VTI1A: variants seen among roughly 807,000 people sequenced by gnomAD.
VTI1A encodes vesicle transport through interaction with t-SNAREs 1A.
VTI1A carries 22 observed loss-of-function variants against 34.9 expected under a neutral mutation model. The ratio of observed to expected loss-of-function variants is 0.63; its 90% CI spans 0.45 to 0.90. The LOEUF (loss-of-function observed/expected upper bound fraction) is 0.90. VTI1A is among the 40% of genes least tolerant of loss of function. The probability of loss-of-function intolerance (pLI) is 0.00; values close to 1 mark genes in which losing one functional copy is unlikely to be tolerated. For missense variants in VTI1A, 268 were observed against 275.6 expected, an observed-to-expected ratio of 0.97 and a Z score of 0.20; for synonymous variants, 87 against 97.3, an observed-to-expected ratio of 0.89 and a Z score of 0.62.
chr10:112,628,707 G>A (rs545823072), intron 5 of VTI1A, among the ~76,000 whole-genome samples: 12 of 151,582 alleles, frequency 7.9e-5, no homozygotes, highest in South Asian at 2.1e-4. Context: ...GCTGCTTTAC[G>A]GTTTTCTTTA....
intron 1 of VTI1A, 51 bp from the exon 2 acceptor site, chr10:112,460,473 T>C: frequency 6.6e-7 from 1 of 1,520,226 alleles, no homozygotes; most frequent in South Asian, 1.2e-5. Context: ...TTTTAAAATA[T>C]TAAATTTATT....
At chr10:112,736,518 G>A (rs979688096) in intron 7 of VTI1A, among the ~76,000 whole-genome samples, 5 of 152,126 alleles carry the variant, frequency 3.3e-5, no homozygotes, top group Non-Finnish European at 5.9e-5. Context: ...TGAGGGAATC[G>A]AGTTAGGTTG....
chr10:112,583,080 C>CATCTAT (rs1844012493), intron 5 of VTI1A, among the ~76,000 whole-genome samples: 1 of 152,054 alleles, frequency 6.6e-6, no homozygotes, highest in Non-Finnish European at 1.5e-5. Flanking sequence ...TGCATGTGGG[C>CATCTAT]ATCTTATAGA....
intron 5 of VTI1A, among the ~76,000 whole-genome samples, chr10:112,620,559 G>A (rs1022017648): frequency 6.6e-6 from 1 of 152,136 alleles, no homozygotes; most frequent in Non-Finnish European, 1.5e-5. Flanking sequence ...GGGAGGCCGA[G>A]GCGGGTGGAT....
chr10:112,849,889 AG>A, the VTI1A span, among the ~76,000 whole-genome samples: 2 of 152,150 alleles, frequency 1.3e-5, no homozygotes, highest in African/African-American at 4.8e-5. Context: ...GGTGGGTGCA[AG>A]GGCGAGGGTG....
At chr10:112,805,027 T>C (rs1187392963) in intron 7 of VTI1A, among the ~76,000 whole-genome samples, 2 of 142,692 alleles carry the variant, frequency 1.4e-5, no homozygotes, top group Non-Finnish European at 3.1e-5. Context: ...CGCCTGGCTA[T>C]TTTTTTTTTT....
intron 3 of VTI1A, among the ~76,000 whole-genome samples, chr10:112,520,194 T>A (rs1005263059): frequency 1.3e-5 from 2 of 152,084 alleles, no homozygotes; most frequent in Non-Finnish European, 2.9e-5. Context: ...CTCCACTGCA[T>A]ACTTACACTA....
intron 4 of VTI1A, among the ~76,000 whole-genome samples, chr10:112,537,431 A>G (rs1412300196): frequency 6.7e-6 from 1 of 150,332 alleles, no homozygotes; most frequent in African/African-American, 2.4e-5. Flanking sequence ...TATGGTTACA[A>G]AAAAAATCAA....
At chr10:112,638,645 C>G (rs557103107) in intron 5 of VTI1A, among the ~76,000 whole-genome samples, 1 of 151,706 alleles carries the variant, frequency 6.6e-6, no homozygotes, top group Non-Finnish European at 1.5e-5. Flanking sequence ...AAATATTTAA[C>G]TTTATTGTCA....
chr10:112,627,161 T>G, intron 5 of VTI1A, among the ~76,000 whole-genome samples: 1 of 152,198 alleles, frequency 6.6e-6, no homozygotes, highest in East Asian at 1.9e-4. Context: ...AAATAAAAAT[T>G]CCTCCTACCC....
At chr10:112,617,116 AG>A (rs965101510) in intron 5 of VTI1A, among the ~76,000 whole-genome samples, 1 of 152,196 alleles carries the variant, frequency 6.6e-6, no homozygotes, top group African/African-American at 2.4e-5. Context: ...AGAACACCAA[AG>A]CCAATGAGAA....
intron 3 of VTI1A, among the ~76,000 whole-genome samples, chr10:112,517,866 G>A (rs968897988): frequency 6.6e-6 from 1 of 151,908 alleles, no homozygotes; most frequent in African/African-American, 2.4e-5. Flanking sequence ...AATATAATGT[G>A]GAGTCTTGGA....
downstream of VTI1A, among the ~76,000 whole-genome samples, chr10:112,821,331 T>C (rs1401419847): frequency 2.0e-5 from 3 of 151,758 alleles, no homozygotes; most frequent in Non-Finnish European, 4.4e-5. Context: ...CCTCTCCCCC[T>C]CCCACTTCCC....
At chr10:112,552,279 A>G (rs752566169) in intron 5 of VTI1A, among the ~76,000 whole-genome samples, 2 of 152,214 alleles carry the variant, frequency 1.3e-5, no homozygotes, top group African/African-American at 2.4e-5. Flanking sequence ...TACTTTCACC[A>G]TCCAGAATAT....
intron 7 of VTI1A, among the ~76,000 whole-genome samples, chr10:112,726,127 G>A (rs141186215): frequency 6.6e-5 from 10 of 152,220 alleles, no homozygotes; most frequent in Non-Finnish European, 1.2e-4. Context: ...CCTGCTGTCC[G>A]TAGGCATCTG....
chr10:112,469,665 CTA>C (rs1487477990), intron 3 of VTI1A, among the ~76,000 whole-genome samples: 1 of 152,186 alleles, frequency 6.6e-6, no homozygotes, highest in East Asian at 1.9e-4. Flanking sequence ...GCTCTCTCGC[CTA>C]TGTTTGTTTG....
intron 5 of VTI1A, among the ~76,000 whole-genome samples, chr10:112,568,714 G>A (rs912411640): frequency 3.9e-5 from 6 of 152,070 alleles, no homozygotes; most frequent in South Asian, 2.1e-4. Context: ...TTATGTTCTC[G>A]CCTTAACTGG....
At chr10:112,549,182 C>A (rs974428985) in intron 5 of VTI1A, among the ~76,000 whole-genome samples, 1 of 152,190 alleles carries the variant, frequency 6.6e-6, no homozygotes, top group African/African-American at 2.4e-5. Flanking sequence ...TCCCTCAGAG[C>A]TGTTATCAAT....
At position 112,711,113 on chromosome 10, in the gene VTI1A, A is replaced by G. The variant is rs530839277; in HGVS notation, c.560+42115A>G. Among the ~76,000 whole-genome samples, 44 of 152,342 alleles carry G rather than the reference A, an allele frequency of 2.9e-4. No homozygotes were observed. The Middle Eastern group carries it at 0.014, about 47-fold the overall frequency. ...ATATTTTTGGGTATCATTTAAATTC[A>G]GGCTCCCAATCTGTAGAAAAAATCA... On this transcript the variant is annotated intron_variant, in intron 7 of 7. Transcript: ENST00000393077.
Sources: allele counts gnomAD v4.1 joint callset (sites outside exome capture counted in the v4.1 genomes callset), GRCh38; gene constraint gnomAD v4.1.1; transcripts MANE v1.5; gene names NCBI Gene and HGNC (gene_info 2026-07-23, HGNC 2026-07-21).